Variants in CSMD1 observed in about 807,000 individuals in gnomAD.
The protein encoded by CSMD1 is CUB and sushi domain-containing protein 1.
CSMD1 carries 213 observed loss-of-function variants against 417.5 expected under a neutral mutation model. The observed-to-expected ratio is 0.51, with a 90% CI of 0.46 to 0.57. The LOEUF is 0.57. Among genes scored for constraint, CSMD1 ranks in the 20% least tolerant of loss-of-function variants. The probability of loss-of-function intolerance (pLI) is 0.00; values close to 1 mark genes in which losing one functional copy is unlikely to be tolerated. For missense variants in CSMD1, 6,923 were observed against 4,529.7 expected, an observed-to-expected ratio of 1.53 and a Z score of -15.17; for synonymous variants, 2,862 against 1,736.8, an observed-to-expected ratio of 1.65 and a Z score of -16.11.
chr8:4,603,119 C>G (rs1008240845), intron 2 of CSMD1, among the ~76,000 whole-genome samples: 1 of 151,766 alleles, frequency 6.6e-6, no homozygotes, highest in Admixed American at 6.6e-5. Flanking sequence ...ATAGTTTTGG[C>G]TTGAATTTTT....
intron 18 of CSMD1, among the ~76,000 whole-genome samples, chr8:3,386,320 CCCCACAGACGCCGAA>C (rs1475477307): frequency 6.6e-6 from 1 of 152,196 alleles, no homozygotes; most frequent in Non-Finnish European, 1.5e-5. Flanking sequence ...GCTCGTGTGG[CCCCACAGACGCCGAA>C]CTCGACTCCC....
chr8:4,749,887 C>T (rs1480063449), intron 1 of CSMD1, among the ~76,000 whole-genome samples: 1 of 151,960 alleles, frequency 6.6e-6, no homozygotes, highest in Non-Finnish European at 1.5e-5. Context: ...ACTTCAAAAT[C>T]CCGGGTCTTG....
chr8:3,063,686 A>C lies in CSMD1; in HGVS notation c.7475-11039T>G, dbSNP rs147325271. 3.9e-3 allele frequency among the ~76,000 whole-genome samples: 600 copies of C among 152,352 alleles called. 1 individual carries two copies. The highest frequency in any genetic ancestry group is 0.014 in the African/African-American group (565 of 41,580). On this transcript the variant is annotated intron_variant, in intron 49 of 69. Transcript: ENST00000635120. ...GGAATTCTGACACACCACATGCTAC[A>C]ACATGATGATCTTGAAGACACTATG...
intron 1 of CSMD1, among the ~76,000 whole-genome samples, chr8:4,703,599 A>G (rs954186954): frequency 4.6e-5 from 7 of 152,224 alleles, no homozygotes; most frequent in African/African-American, 1.7e-4. Context: ...TTTGGTGTTA[A>G]GGAAATATTT....
chr8:4,029,527 G>A (rs72624003), intron 4 of CSMD1, among the ~76,000 whole-genome samples: 23,248 of 151,984 alleles, frequency 0.15, 2,327 homozygotes, highest in East Asian at 0.35. Context: ...CAAGAACAGC[G>A]CAGGAAAGAA....
intron 68 of CSMD1, among the ~76,000 whole-genome samples, chr8:2,946,561 C>G (rs1052469296): frequency 6.6e-6 from 1 of 152,172 alleles, no homozygotes; most frequent in Non-Finnish European, 1.5e-5. Flanking sequence ...TTGTAGGATT[C>G]TTCAATACTT....
intron 1 of CSMD1, among the ~76,000 whole-genome samples, chr8:4,811,408 A>C (rs1798898410): frequency 6.6e-6 from 1 of 152,100 alleles, no homozygotes; most frequent in Non-Finnish European, 1.5e-5. Flanking sequence ...GTAATGTATT[A>C]TGTTGAATCA....
chr8:3,206,150 T>C (rs1328575474), intron 30 of CSMD1, among the ~76,000 whole-genome samples: 1 of 151,812 alleles, frequency 6.6e-6, no homozygotes, highest in Non-Finnish European at 1.5e-5. Flanking sequence ...TCTCTTCCTA[T>C]GAGTTCAATT....
At chr8:4,147,160 C>T (rs1253613097) in intron 3 of CSMD1, among the ~76,000 whole-genome samples, 3 of 151,992 alleles carry the variant, frequency 2.0e-5, no homozygotes, top group Middle Eastern at 3.2e-3. Context: ...TTCTTCTACT[C>T]TCCCCCCCTG....
chr8:2,988,717 T>C (rs1042094865), intron 54 of CSMD1, among the ~76,000 whole-genome samples: 2 of 152,238 alleles, frequency 1.3e-5, no homozygotes, highest in Non-Finnish European at 2.9e-5. Context: ...TTTTTTAATC[T>C]TATATGCAAA....
chr8:3,302,697 G>C (rs531427203), intron 25 of CSMD1, among the ~76,000 whole-genome samples: 29 of 152,308 alleles, frequency 1.9e-4, no homozygotes, highest in African/African-American at 6.7e-4. Context: ...GATGTGATCT[G>C]TCACCAGTGA....
At chr8:4,709,338 G>T (rs189742160) in intron 1 of CSMD1, among the ~76,000 whole-genome samples, 8 of 152,242 alleles carry the variant, frequency 5.3e-5, no homozygotes. Flanking sequence ...CCTCTGTGTT[G>T]GATTGGGGGA....
intron 36 of CSMD1, among the ~76,000 whole-genome samples, chr8:3,182,578 C>CTGTGTGTGTGTGTGTGTG (rs35090952): frequency 7.4e-5 from 7 of 94,188 alleles, no homozygotes; most frequent in East Asian, 7.1e-4. Context: ...TTATAAGAAG[C>CTGTGTGTGTGTGTGTGTG]TGTGTGTGTG....
At chr8:3,076,396 CCT>C (rs1416053400) in intron 49 of CSMD1, among the ~76,000 whole-genome samples, 1 of 152,176 alleles carries the variant, frequency 6.6e-6, no homozygotes, top group East Asian at 1.9e-4. Flanking sequence ...AAAGAAAGAC[CCT>C]GTCTCCAAAT....
At position 3,233,073 on chromosome 8, in the gene CSMD1, T is replaced by G. The variant is rs182774704; in HGVS notation, c.4154-2842A>C. Among the ~76,000 whole-genome samples the G allele has an allele frequency of 1.4e-3, 200 of 144,938 alleles. 2 individuals carry two copies. Among genetic ancestry groups the G allele is most frequent in the African/African-American group, 4.9e-3 (194 of 39,882 alleles). ...CATACATACTTATCAATTTGTTTGC[T>G]TATTATGTTTTCTTTTCATTTTTTT... On this transcript the variant is annotated intron_variant, in intron 26 of 69. Transcript: ENST00000635120.
intron 3 of CSMD1, among the ~76,000 whole-genome samples, chr8:4,132,810 T>C (rs953018742): frequency 1.3e-5 from 2 of 152,204 alleles, no homozygotes; most frequent in Admixed American, 6.5e-5. Flanking sequence ...TAAAGAAGAA[T>C]TGATATAAAT....
In CSMD1 at chr8:3,052,532, G is replaced by C. The variant is rs1480534387; in HGVS notation, c.7590C>G (p.Ser2530Arg). Residue 2530 changes from serine to arginine, a missense_variant, in exon 50 of 70, where the codon AGC (serine) becomes AGG (arginine). Transcript: ENST00000635120. ...ECHEGFKLES[S>R]QQATAVCQED... ...CTTGACACACGGCTGTTGCTTGCTG[G>C]CTGGATTCAAGCTTGAAGCCCTCAT... is the stretch of plus-strand genomic sequence containing the variant. 1 of 1,605,848 alleles carries C rather than the reference G, an allele frequency of 6.2e-7. No individual in the cohort carries two copies. Among genetic ancestry groups the C allele is most frequent in the African/African-American group, 1.3e-5 (1 of 74,810 alleles).
intron 25 of CSMD1, among the ~76,000 whole-genome samples, chr8:3,295,324 C>A (rs1016646668): frequency 1.3e-5 from 2 of 151,894 alleles, no homozygotes; most frequent in African/African-American, 4.8e-5. Flanking sequence ...CACGGGGTTT[C>A]ACTGTGTTAG....
chr8:4,853,559 G>T (rs914759135), intron 1 of CSMD1, among the ~76,000 whole-genome samples: 7 of 152,340 alleles, frequency 4.6e-5, no homozygotes, highest in South Asian at 4.2e-4. Flanking sequence ...CAGGCAGAAG[G>T]CTGCCACAAA....
Sources: gnomAD v4.1 joint callset for allele counts (sites outside exome capture counted in the v4.1 genomes callset) on GRCh38, gnomAD v4.1.1 for gene constraint, MANE v1.5 for transcripts, NCBI Gene and HGNC (gene_info 2026-07-23, HGNC 2026-07-21) for gene names.